BACH2: variants seen among roughly 807,000 people sequenced by gnomAD.
The protein encoded by BACH2 is BACH transcriptional regulator 2, also known as transcription regulator protein BACH2.
A neutral mutation model predicts 61.8 loss-of-function variants in BACH2; 5 were observed. The ratio of observed to expected loss-of-function variants is 0.08; its 90% CI spans 0.04 to 0.17. BACH2 has a LOEUF of 0.17. Among genes scored for constraint, BACH2 ranks in the 10% least tolerant of loss-of-function variants. The pLI is 1.00. For missense variants in BACH2, 824 were observed against 1,091.1 expected, an observed-to-expected ratio of 0.76 and a Z score of 3.45; for synonymous variants, 446 against 440.1, an observed-to-expected ratio of 1.01 and a Z score of -0.17.
chr6:90,071,630 G>A (rs1191000452), intron 5 of BACH2, among the ~76,000 whole-genome samples: 2 of 152,224 alleles, frequency 1.3e-5, no homozygotes, highest in African/African-American at 2.4e-5. Flanking sequence ...ACTTTCGGAT[G>A]TTCTTTTCAG....
rs1772505776 is a variant in BACH2 at position 89,929,174 on chromosome 6, T to G, written c.*3234A>C. 1 of 152,392 alleles carries G rather than the reference T, an allele frequency of 6.6e-6. No homozygotes were observed. The highest frequency in any genetic ancestry group is 2.4e-5 in the African/African-American group (1 of 41,448). 9.4% of individuals were successfully genotyped at this position (152,392 alleles called of 1,614,324 possible). On this transcript the variant is annotated 3_prime_UTR_variant, in exon 9 of 9. Transcript: ENST00000257749. Reference sequence around the variant, plus strand: ...TTGGAGACCCAAGCAGGCATCCTCCTAAACAGCCCGTGGTTGGAGGGTCTC... The same window carrying G: ...TTGGAGACCCAAGCAGGCATCCTCCGAAACAGCCCGTGGTTGGAGGGTCTC...
chr6:89,986,794 T>G (rs2128364340), intron 6 of BACH2, among the ~76,000 whole-genome samples: 1 of 152,302 alleles, frequency 6.6e-6, no homozygotes, highest in African/African-American at 2.4e-5. Flanking sequence ...TAGGAACAAG[T>G]CATGCCAAAA....
intron 3 of BACH2, among the ~76,000 whole-genome samples, chr6:90,231,649 G>A (rs1770099189): frequency 2.6e-5 from 4 of 152,260 alleles, no homozygotes; most frequent in African/African-American, 7.2e-5. Context: ...ACTATTTCAT[G>A]TATAACAACC....
At chr6:90,246,085 T>C (rs1314732143) in intron 3 of BACH2, among the ~76,000 whole-genome samples, 1 of 152,146 alleles carries the variant, frequency 6.6e-6, no homozygotes, top group African/African-American at 2.4e-5. Flanking sequence ...TGGAACACAA[T>C]GAACAGTGGG....
intron 4 of BACH2, among the ~76,000 whole-genome samples, chr6:90,135,526 C>G (rs1284631805): frequency 6.6e-6 from 1 of 152,124 alleles, no homozygotes; most frequent in Non-Finnish European, 1.5e-5. Context: ...CCAGCCTAGG[C>G]AACAGGGCAA....
intron 1 of BACH2, among the ~76,000 whole-genome samples, chr6:90,295,654 G>GGTGTGT (rs138869202): frequency 0.019 from 2,824 of 147,806 alleles, 75 homozygotes; most frequent in African/African-American, 0.063. Context: ...TGGAGTGTAG[G>GGTGTGT]GTGTGTGTGT....
At chr6:90,012,172 C>A (rs147821073) in intron 5 of BACH2, among the ~76,000 whole-genome samples, 1 of 152,218 alleles carries the variant, frequency 6.6e-6, no homozygotes, top group East Asian at 1.9e-4. Flanking sequence ...CTTTGCATTT[C>A]CATATACATT....
At chr6:90,004,385 G>A (rs1214658853) in intron 6 of BACH2, among the ~76,000 whole-genome samples, 1 of 152,116 alleles carries the variant, frequency 6.6e-6, no homozygotes, top group Non-Finnish European at 1.5e-5. Flanking sequence ...AGGTCTACCT[G>A]CAGGGGCCAT....
chr6:89,988,843 G>A (rs1186827725), intron 6 of BACH2, among the ~76,000 whole-genome samples: 7 of 152,214 alleles, frequency 4.6e-5, no homozygotes, highest in Admixed American at 3.9e-4. Flanking sequence ...ACTCCTGGAG[G>A]TCCCCTGTCT....
At chr6:90,048,668 C>T (rs902285518) in intron 5 of BACH2, among the ~76,000 whole-genome samples, 14 of 152,328 alleles carry the variant, frequency 9.2e-5, no homozygotes, top group African/African-American at 3.1e-4. Context: ...TTTGTTATAA[C>T]TTCAGAGTTT....
intron 6 of BACH2, among the ~76,000 whole-genome samples, chr6:89,975,374 T>C (rs567502328): frequency 6.6e-6 from 1 of 152,372 alleles, no homozygotes; most frequent in African/African-American, 2.4e-5. Flanking sequence ...AGATAGACTT[T>C]AACAATTTCA....
intron 5 of BACH2, among the ~76,000 whole-genome samples, chr6:90,057,325 T>C (rs1780416367): frequency 6.6e-6 from 1 of 152,076 alleles, no homozygotes; most frequent in Admixed American, 6.5e-5. Flanking sequence ...CAAACTACCA[T>C]CAGAGAATAT....
intron 5 of BACH2, among the ~76,000 whole-genome samples, chr6:90,079,145 G>T (rs954505528): frequency 1.3e-5 from 2 of 152,160 alleles, no homozygotes; most frequent in Non-Finnish European, 2.9e-5. Flanking sequence ...AAACGGACAC[G>T]TTATCACTTA....
At chr6:89,990,137 C>A (rs903669607) in intron 6 of BACH2, among the ~76,000 whole-genome samples, 4 of 152,156 alleles carry the variant, frequency 2.6e-5, no homozygotes, top group Non-Finnish European at 5.9e-5. Flanking sequence ...CCCTTTCCCA[C>A]CAAAACTTCC....
intron 4 of BACH2, among the ~76,000 whole-genome samples, chr6:90,100,706 C>CACACATACACACACACACACAG: frequency 2.1e-5 from 3 of 143,280 alleles, no homozygotes; most frequent in East Asian, 2.0e-4. Flanking sequence ...CACACAGACA[C>CACACATACACACACACACACAG]ACACACACAC....
intron 2 of BACH2, among the ~76,000 whole-genome samples, chr6:90,254,630 G>A (rs889072596): frequency 5.3e-5 from 8 of 151,798 alleles, no homozygotes; most frequent in Non-Finnish European, 2.9e-5. Flanking sequence ...ATTATATTTA[G>A]AATATACATT....
chr6:90,000,810 G>T (rs1262783830), intron 6 of BACH2, among the ~76,000 whole-genome samples: 1 of 152,166 alleles, frequency 6.6e-6, no homozygotes, highest in Non-Finnish European at 1.5e-5. Flanking sequence ...TGTAAGGAAG[G>T]CCCTTTCTGA....
chr6:90,018,823 T>C (rs1019826843), intron 5 of BACH2, among the ~76,000 whole-genome samples: 1 of 152,240 alleles, frequency 6.6e-6, no homozygotes, highest in Admixed American at 6.5e-5. Context: ...GCATTCTAAA[T>C]AACACAATTC....
intron 3 of BACH2, among the ~76,000 whole-genome samples, chr6:90,245,922 T>A (rs1204429236): frequency 6.6e-6 from 1 of 152,208 alleles, no homozygotes. Context: ...CAGACCCTCA[T>A]TCCATGACAG....
Sources: allele counts gnomAD v4.1 joint callset (sites outside exome capture counted in the v4.1 genomes callset), GRCh38; gene constraint gnomAD v4.1.1; transcripts MANE v1.5; gene names NCBI Gene and HGNC (gene_info 2026-07-23, HGNC 2026-07-21).